LINGO2: variants seen among roughly 807,000 people sequenced by gnomAD.
LINGO2 encodes leucine-rich repeat and immunoglobulin-like domain-containing nogo receptor-interacting protein 2.
Under a neutral mutation model 30.6 loss-of-function variants are expected in LINGO2, and 14 were observed. That is an observed-to-expected ratio of 0.46 (90% CI 0.30 to 0.72). The LOEUF (loss-of-function observed/expected upper bound fraction) is 0.72. Ranked by LOEUF, LINGO2 falls within the 30% of genes least tolerant of loss-of-function variation. The pLI, the probability that LINGO2 is intolerant of heterozygous loss-of-function variation, is 0.07. For missense variants in LINGO2, 729 were observed against 751.7 expected (o/e 0.97, Z 0.35); for synonymous variants, 317 against 288.5 (o/e 1.10, Z -1.00).
chr9:29,100,547 T>C, the LINGO2 span, among the ~76,000 whole-genome samples: 4 of 151,596 alleles, frequency 2.6e-5, no homozygotes, highest in Admixed American at 2.0e-4. Flanking sequence ...TGAACCAAGA[T>C]TGTGACACTG....
At chr9:29,052,785 G>T in the LINGO2 span, among the ~76,000 whole-genome samples, 1 of 152,080 alleles carries the variant, frequency 6.6e-6, no homozygotes, top group Middle Eastern at 3.4e-3. Context: ...TGGATCTTGA[G>T]GCTATCTCCA....
chr9:28,282,797 G>C (rs1451194626), intron 4 of LINGO2, among the ~76,000 whole-genome samples: 2 of 152,066 alleles, frequency 1.3e-5, no homozygotes, highest in Non-Finnish European at 2.9e-5. Context: ...CAGTGCTTCA[G>C]ATTTGCTAGT....
chr9:28,490,794 G>A (rs1057337268), intron 1 of LINGO2, among the ~76,000 whole-genome samples: 6 of 151,920 alleles, frequency 3.9e-5, no homozygotes, highest in Admixed American at 6.6e-5. Context: ...GTAGTTTTTC[G>A]TAATCTATCA....
Position 28,086,877 on chromosome 9 carries a change from T to C in LINGO2, c.-86-74472A>G, listed in dbSNP as rs149559880. ...AATAGCAAGTATTCTAGATTGATTA[T>C]AAAAATGGCTCCAATTCTTTCTTTC... On this transcript the variant is annotated intron_variant, in intron 4 of 5. Coordinates refer to ENST00000379992, the Ensembl canonical transcript of LINGO2. Among the ~76,000 whole-genome samples, 377 of 152,238 alleles carry C rather than the reference T, an allele frequency of 2.5e-3. 4 individuals carry two copies. Among genetic ancestry groups the C allele is most frequent in the African/African-American group, 8.6e-3 (357 of 41,556 alleles).
chr9:28,970,983 C>T, the LINGO2 span, among the ~76,000 whole-genome samples: 1 of 152,122 alleles, frequency 6.6e-6, no homozygotes, highest in Non-Finnish European at 1.5e-5. Flanking sequence ...CCATTCTTTC[C>T]CCTTGAGGAG....
intron 2 of LINGO2, among the ~76,000 whole-genome samples, chr9:28,418,570 C>A (rs1160346773): frequency 6.6e-6 from 1 of 151,982 alleles, no homozygotes; most frequent in Non-Finnish European, 1.5e-5. Context: ...AGCCACCGTG[C>A]CCAGACGGCA....
the LINGO2 span, among the ~76,000 whole-genome samples, chr9:28,693,668 T>A: frequency 6.6e-6 from 1 of 152,134 alleles, no homozygotes; most frequent in Non-Finnish European, 1.5e-5. Context: ...AAATAAGTTC[T>A]CATTCAAAGT....
intron 5 of LINGO2, among the ~76,000 whole-genome samples, chr9:27,981,542 A>AAAAAAAG (rs1820860056): frequency 8.1e-6 from 1 of 122,740 alleles, no homozygotes; most frequent in Non-Finnish European, 1.7e-5. Context: ...GGCAAAAAAA[A>AAAAAAAG]AAAAAAAAGA....
intron 1 of LINGO2, among the ~76,000 whole-genome samples, chr9:28,549,399 C>T (rs1205639487): frequency 6.6e-6 from 1 of 151,972 alleles, no homozygotes; most frequent in Non-Finnish European, 1.5e-5. Flanking sequence ...TCTTGCCTGT[C>T]TAACTAAAGG....
At chr9:28,744,310 C>A in the LINGO2 span, among the ~76,000 whole-genome samples, 1 of 151,862 alleles carries the variant, frequency 6.6e-6, no homozygotes, top group East Asian at 1.9e-4. Flanking sequence ...CAATTGAAGT[C>A]TTTGTCTACT....
intron 1 of LINGO2, among the ~76,000 whole-genome samples, chr9:28,628,342 C>G (rs577882059): frequency 2.2e-4 from 34 of 152,164 alleles, no homozygotes; most frequent in Middle Eastern, 6.8e-3. Flanking sequence ...TACAGGAGTT[C>G]AGTTTCTGAG....
the LINGO2 span, among the ~76,000 whole-genome samples, chr9:28,757,471 C>G: frequency 6.6e-6 from 1 of 151,780 alleles, no homozygotes; most frequent in Admixed American, 6.6e-5. Flanking sequence ...TGCTACTTAC[C>G]CAGGTTTGGT....
chr9:28,411,750 G>T (rs990678939), intron 2 of LINGO2, among the ~76,000 whole-genome samples: 1 of 151,988 alleles, frequency 6.6e-6, no homozygotes, highest in African/African-American at 2.4e-5. Context: ...TATTCTTCAA[G>T]ATCTTGCTTC....
the LINGO2 span, among the ~76,000 whole-genome samples, chr9:28,879,221 G>A: frequency 6.6e-6 from 1 of 151,892 alleles, no homozygotes; most frequent in Admixed American, 6.6e-5. Context: ...CAAATCATGA[G>A]TGAACTCCCA....
intron 4 of LINGO2, among the ~76,000 whole-genome samples, chr9:28,251,686 T>G (rs911423864): frequency 3.3e-5 from 5 of 152,168 alleles, no homozygotes; most frequent in Non-Finnish European, 7.4e-5. Flanking sequence ...GTTTTCTGAA[T>G]TGGCAGAAAA....
intron 4 of LINGO2, among the ~76,000 whole-genome samples, chr9:28,020,638 C>G (rs1468387257): frequency 6.6e-6 from 1 of 152,164 alleles, no homozygotes; most frequent in Non-Finnish European, 1.5e-5. Context: ...TAGCATCAAT[C>G]TTTGGTAGTA....
chr9:29,081,811 G>C, the LINGO2 span, among the ~76,000 whole-genome samples: 1 of 151,912 alleles, frequency 6.6e-6, no homozygotes, highest in Non-Finnish European at 1.5e-5. Context: ...CAAATCATGA[G>C]TGAACTCCCA....
chr9:28,025,923 T>G (rs1224941551), intron 4 of LINGO2, among the ~76,000 whole-genome samples: 2 of 151,034 alleles, frequency 1.3e-5, no homozygotes, highest in African/African-American at 4.8e-5. Context: ...CTCATCAAGC[T>G]GCTCTTCTCC....
the LINGO2 span, among the ~76,000 whole-genome samples, chr9:28,947,906 G>C: frequency 1.3e-5 from 2 of 151,944 alleles, no homozygotes; most frequent in Admixed American, 1.3e-4. Flanking sequence ...ACCATCTCCA[G>C]TGGATTTCCT....
Sources: allele counts gnomAD v4.1 joint callset (sites outside exome capture counted in the v4.1 genomes callset), GRCh38; gene constraint gnomAD v4.1.1; transcripts MANE v1.5; gene names NCBI Gene and HGNC (gene_info 2026-07-23, HGNC 2026-07-21).